Variants in UBAP2 observed in about 807,000 individuals in gnomAD.
UBAP2 encodes ubiquitin associated protein 2.
UBAP2 carries 75 observed loss-of-function variants against 139.6 expected under a neutral mutation model. The observed-to-expected ratio is 0.54, with a 90% confidence interval of 0.45 to 0.65. The LOEUF is 0.65. Among genes scored for constraint, UBAP2 ranks in the 30% least tolerant of loss-of-function variants. UBAP2 has a pLI of 0.00. For synonymous variants in UBAP2, 526 were observed against 526.2 expected (o/e 1.00, Z 0.01); for missense variants, 1,368 against 1,369.6 (o/e 1.00, Z 0.02).
At chr9:33,979,499 C>T (rs1467512609) in intron 6 of UBAP2, among the ~76,000 whole-genome samples, 4 of 151,756 alleles carry the variant, frequency 2.6e-5, no homozygotes, top group South Asian at 2.1e-4. Flanking sequence ...TGCTTGAACC[C>T]GGGAGGCGGA....
intron 6 of UBAP2, among the ~76,000 whole-genome samples, chr9:33,986,199 C>T (rs113191948): frequency 2.3e-3 from 343 of 152,034 alleles, no homozygotes; most frequent in Middle Eastern, 3.4e-3. Context: ...ACTACAGGTG[C>T]GTGCCACCAC....
intron 13 of UBAP2, among the ~76,000 whole-genome samples, chr9:33,947,472 A>G (rs1825735188): frequency 6.6e-6 from 1 of 152,200 alleles, no homozygotes; most frequent in African/African-American, 2.4e-5. Context: ...GGTTGATGAA[A>G]TCATAGTTGA....
chr9:34,032,789 T>C (rs554599933), intron 1 of UBAP2, among the ~76,000 whole-genome samples: 41 of 152,188 alleles, frequency 2.7e-4, no homozygotes, highest in African/African-American at 9.2e-4. Context: ...CTGGGCGTGG[T>C]TGCACGCACC....
intron 6 of UBAP2, among the ~76,000 whole-genome samples, chr9:33,982,218 AC>A (rs1820827022): frequency 2.0e-5 from 3 of 152,128 alleles, no homozygotes; most frequent in Non-Finnish European, 4.4e-5. Context: ...AAACATACTT[AC>A]CTGACATTCT....
chr9:33,999,691 C>T (rs1587637369), intron 2 of UBAP2, among the ~76,000 whole-genome samples: 1 of 151,990 alleles, frequency 6.6e-6, no homozygotes. Context: ...GCCACTGCAT[C>T]TGGCAAAAAT....
chr9:33,929,908 G>A (rs1216950670), intron 19 of UBAP2, among the ~76,000 whole-genome samples: 1 of 152,190 alleles, frequency 6.6e-6, no homozygotes, highest in East Asian at 1.9e-4. Context: ...GGAGGCTGAG[G>A]CAGGAGAACT....
At position 34,034,804 on chromosome 9, in the gene UBAP2, C is replaced by T. The variant is rs542640527; in HGVS notation, c.-42+14021G>A. ...AGGAGAATTGCTTCAACCTGGGAGG[C>T]GGAGGTTGCAGTGAGTCAAGATCAC... On this transcript the variant is annotated intron_variant, in intron 1 of 28. Transcript: ENST00000379238. Among the ~76,000 whole-genome samples, 3 of 151,664 alleles carry T rather than the reference C, an allele frequency of 2.0e-5. 1 individual carries two copies. Among genetic ancestry groups the T allele is most frequent in the African/African-American group, 7.3e-5 (3 of 41,366 alleles).
chr9:34,028,980 G>C (rs958974136), intron 1 of UBAP2, among the ~76,000 whole-genome samples: 6 of 151,990 alleles, frequency 3.9e-5, no homozygotes, highest in Non-Finnish European at 8.8e-5. Flanking sequence ...GCCACGCTTG[G>C]TGGCGCACAC....
chr9:34,035,013 A>G (rs1323929241), intron 1 of UBAP2, among the ~76,000 whole-genome samples: 2 of 152,180 alleles, frequency 1.3e-5, no homozygotes, highest in African/African-American at 2.4e-5. Context: ...ACAACTACAT[A>G]AACTGTATTT....
intron 1 of UBAP2, among the ~76,000 whole-genome samples, chr9:34,022,412 C>T (rs1024803822): frequency 6.7e-6 from 1 of 148,350 alleles, no homozygotes; most frequent in African/African-American, 2.5e-5. Flanking sequence ...CAAATCCAGG[C>T]TAGGCAACAC....
intron 19 of UBAP2, among the ~76,000 whole-genome samples, chr9:33,931,448 T>A (rs140519988): frequency 2.6e-5 from 4 of 151,974 alleles, no homozygotes; most frequent in Non-Finnish European, 5.9e-5. Context: ...TCCCCATGAG[T>A]GCAGGAGCAC....
intron 2 of UBAP2, among the ~76,000 whole-genome samples, chr9:34,014,075 C>A (rs921803544): frequency 2.0e-5 from 3 of 151,736 alleles, no homozygotes; most frequent in Admixed American, 1.3e-4. Flanking sequence ...GTAATCCCAA[C>A]ACCTTGGGAG....
At position 33,922,507 on chromosome 9, in the gene UBAP2, G is replaced by A. The variant is rs1331919936; in HGVS notation, c.3357C>T (p.Asn1119=). ...AGCCCACCCCTCTCTTCTGGGTTTA[G>A]TTTGTCCAGTATGGAGAGTTGCCGT... is the stretch of plus-strand genomic sequence containing the variant. ...PAYGNSPYWT[N] is the part of the protein sequence containing the mutation. Residue 1119 remains asparagine, a synonymous_variant, in exon 29 of 29, where the codon AAC becomes AAT. Coordinates refer to ENST00000379238, the MANE Select transcript of UBAP2 (RefSeq NM_001370062.2). 2 of 1,613,796 alleles carry A rather than the reference G, an allele frequency of 1.2e-6. No individual in the cohort carries two copies. The highest frequency in any genetic ancestry group is 2.2e-5 in the East Asian group (1 of 44,878).
Position 33,988,998 on chromosome 9 carries a change from T to G in UBAP2, c.417A>C (p.Gly139=), listed in dbSNP as rs370270799. 1.2e-6 allele frequency: 2 copies of G among 1,613,692 alleles called. No homozygotes were observed. The highest frequency in any genetic ancestry group is 4.5e-5 in the East Asian group (2 of 44,870). The change falls in exon 5 of 29, where the codon GGA becomes GGC. Residue 139 remains glycine, a synonymous_variant. Transcript: ENST00000379238. ...ATTCTCTGCCACGATTGCCGCCTCTTCCTTTCCGGTTGTTGTTTCCACGTC... is the reference window on the plus strand; with the variant it reads ...ATTCTCTGCCACGATTGCCGCCTCTGCCTTTCCGGTTGTTGTTTCCACGTC... ...SRGRGNNNRK[G]RGGNRGREFR...
Position 33,924,434 on chromosome 9 carries a change from G to A in UBAP2, c.2512-150C>T. On this transcript the variant is annotated intron_variant, in intron 22 of 28. Coordinates refer to ENST00000379238, the MANE Select transcript of UBAP2 (RefSeq NM_001370062.2). Reference sequence around the variant, plus strand: ...TCCCAGGGAACGCCAAGTAAATGGTGCCCCTCGGAAGAGTGTGCAACTAGG... The same window carrying A: ...TCCCAGGGAACGCCAAGTAAATGGTACCCCTCGGAAGAGTGTGCAACTAGG... 3.9e-6 allele frequency: 3 copies of A among 760,274 alleles called. No individual in the cohort carries two copies. In the South Asian group the frequency reaches 5.1e-5, roughly 13 times the overall value. The allele number at this position is 760,274 out of a possible 1,614,324, so 47.1% of individuals were successfully genotyped here.
intron 6 of UBAP2, among the ~76,000 whole-genome samples, chr9:33,984,684 G>GAA (rs71302885): frequency 4.5e-4 from 66 of 145,628 alleles, no homozygotes; most frequent in African/African-American, 1.5e-3. Context: ...TCTCTTAAGA[G>GAA]AAAAAAAAAC....
intron 1 of UBAP2, among the ~76,000 whole-genome samples, chr9:34,038,035 G>A (rs1826602255): frequency 6.7e-6 from 1 of 150,216 alleles, no homozygotes; most frequent in South Asian, 2.1e-4. Flanking sequence ...TAGGCACGGT[G>A]GCACAAATCT....
At chr9:34,013,573 A>AT (rs936544995) in intron 2 of UBAP2, among the ~76,000 whole-genome samples, 7 of 152,106 alleles carry the variant, frequency 4.6e-5, no homozygotes, top group Admixed American at 6.6e-5. Context: ...GACATTTAAA[A>AT]TTGAGTAATT....
intron 6 of UBAP2, among the ~76,000 whole-genome samples, chr9:33,979,207 C>T (rs1820421134): frequency 6.6e-6 from 1 of 152,150 alleles, no homozygotes; most frequent in Admixed American, 6.6e-5. Flanking sequence ...CACTGTACTC[C>T]AGGATGGGTA....
Sources: gnomAD v4.1 joint callset for allele counts (sites outside exome capture counted in the v4.1 genomes callset) on GRCh38, gnomAD v4.1.1 for gene constraint, MANE v1.5 for transcripts, NCBI Gene and HGNC (gene_info 2026-07-23, HGNC 2026-07-21) for gene names.